The following ROBO2 variants were observed in gnomAD, a reference collection of about 807,000 sequenced individuals.
The protein encoded by ROBO2 is roundabout homolog 2.
A neutral mutation model predicts 160.8 loss-of-function variants in ROBO2; 53 were observed. That is an observed-to-expected ratio of 0.33 (90% CI 0.26 to 0.41). The LOEUF (loss-of-function observed/expected upper bound fraction) is 0.41. Among genes scored for constraint, ROBO2 ranks in the 10% least tolerant of loss-of-function variants. The pLI, the probability that ROBO2 is intolerant of heterozygous loss-of-function variation, is 1.00. For missense variants in ROBO2, 1,577 were observed against 1,722.4 expected, an observed-to-expected ratio of 0.92 and a Z score of 1.49; for synonymous variants, 664 against 611.7, an observed-to-expected ratio of 1.09 and a Z score of -1.26.
At chr3:76,179,141 G>T (rs1701376094) in intron 2 of ROBO2, among the ~76,000 whole-genome samples, 1 of 151,954 alleles carries the variant, frequency 6.6e-6, no homozygotes, top group African/African-American at 2.4e-5. Flanking sequence ...ATATTAATTT[G>T]TCTCATTAAT....
At chr3:76,309,519 A>G (rs1332485593) in intron 2 of ROBO2, among the ~76,000 whole-genome samples, 1 of 152,190 alleles carries the variant, frequency 6.6e-6, no homozygotes. Context: ...TTCAAATTTA[A>G]TATGTGGCTT....
intron 2 of ROBO2, among the ~76,000 whole-genome samples, chr3:76,446,256 A>G (rs1037632806): frequency 6.6e-6 from 1 of 152,166 alleles, no homozygotes; most frequent in Non-Finnish European, 1.5e-5. Flanking sequence ...AGAGACAAAC[A>G]GAGAGCCAAA....
intron 2 of ROBO2, among the ~76,000 whole-genome samples, chr3:77,158,950 G>A (rs997477850): frequency 2.0e-5 from 3 of 152,042 alleles, no homozygotes; most frequent in African/African-American, 7.2e-5. Context: ...AAGACATGAA[G>A]CTCTTTAAGG....
intron 2 of ROBO2, among the ~76,000 whole-genome samples, chr3:76,393,165 A>T (rs938720306): frequency 3.3e-5 from 5 of 152,174 alleles, no homozygotes; most frequent in Non-Finnish European, 5.9e-5. Flanking sequence ...CTTGTTAAAA[A>T]TACAGATGTC....
At chr3:77,456,050 T>C (rs918333074) in intron 2 of ROBO2, among the ~76,000 whole-genome samples, 2 of 152,194 alleles carry the variant, frequency 1.3e-5, no homozygotes, top group Non-Finnish European at 2.9e-5. Context: ...TCAGAAAGTA[T>C]TGTCAGTGCT....
At chr3:77,418,148 C>T (rs1250570347) in intron 2 of ROBO2, among the ~76,000 whole-genome samples, 2 of 138,442 alleles carry the variant, frequency 1.4e-5, no homozygotes, top group Non-Finnish European at 3.3e-5. Context: ...ATTTTTTTTA[C>T]CTACAGAAAA....
intron 20 of ROBO2, among the ~76,000 whole-genome samples, chr3:77,604,574 A>T (rs1478325983): frequency 6.6e-6 from 1 of 152,148 alleles, no homozygotes; most frequent in Non-Finnish European, 1.5e-5. Context: ...TATATCTATG[A>T]ATTATATTAA....
chr3:76,096,627 A>G (rs1433854898), intron 2 of ROBO2, among the ~76,000 whole-genome samples: 2 of 152,212 alleles, frequency 1.3e-5, no homozygotes, highest in Non-Finnish European at 2.9e-5. Context: ...AATACAAATA[A>G]TAACATTAAG....
rs370611194 is a variant in ROBO2 at position 77,295,851 on chromosome 3, G to T, written c.389-181563G>T. On this transcript the variant is annotated intron_variant, in intron 2 of 25. Coordinates refer to ENST00000461745, the Ensembl canonical transcript of ROBO2. ...GTAAAATTGACGGGTAAACGGGTAA[G>T]CTGAGGCTAGATCACCCCAGACACA... Among the ~76,000 whole-genome samples, 182 of 149,928 alleles carry T rather than the reference G, an allele frequency of 1.2e-3. 4 individuals carry two copies. In the East Asian group the frequency reaches 0.027, roughly 23 times the overall value.
intron 21 of ROBO2, among the ~76,000 whole-genome samples, chr3:77,613,609 G>A (rs2094699998): frequency 6.6e-6 from 1 of 151,868 alleles, no homozygotes; most frequent in African/African-American, 2.4e-5. Flanking sequence ...AAATAAATTA[G>A]GAAAAAAGAA....
chr3:76,892,550 C>G (rs1458154747), intron 2 of ROBO2, among the ~76,000 whole-genome samples: 1 of 152,158 alleles, frequency 6.6e-6, no homozygotes, highest in East Asian at 1.9e-4. Context: ...TGTCTTTTTA[C>G]CTGACTGATT....
At chr3:76,417,962 T>G (rs2075821446) in intron 2 of ROBO2, among the ~76,000 whole-genome samples, 1 of 151,928 alleles carries the variant, frequency 6.6e-6, no homozygotes, top group Non-Finnish European at 1.5e-5. Context: ...CCACAATAAC[T>G]TTTGCACCAA....
intron 2 of ROBO2, among the ~76,000 whole-genome samples, chr3:75,986,350 AT>A (rs1368585875): frequency 6.6e-5 from 10 of 151,630 alleles, no homozygotes; most frequent in Non-Finnish European, 1.2e-4. Flanking sequence ...CTTTGGAGAA[AT>A]GTCTTTGGAG....
chr3:77,598,483 G>A (rs1282068230), intron 19 of ROBO2, among the ~76,000 whole-genome samples: 1 of 133,120 alleles, frequency 7.5e-6, no homozygotes, highest in Non-Finnish European at 1.5e-5. Flanking sequence ...TATTTATATA[G>A]TGTGTATATA....
At position 76,856,681 on chromosome 3, in the gene ROBO2, C is replaced by T. The variant is rs1026189511; in HGVS notation, c.110-241333C>T. Among the ~76,000 whole-genome samples the T allele has an allele frequency of 3.3e-5, 5 of 152,170 alleles. No homozygotes were observed. In the South Asian group the frequency reaches 1.0e-3, roughly 32 times the overall value. ...GGGGCCCAATAATTTTCATTCCCAA[C>T]AAGTTCTCAGGTAATGATGATGGTG... is the stretch of plus-strand genomic sequence containing the variant. On this transcript the variant is annotated intron_variant, in intron 2 of 26. Transcript: ENST00000487694.
intron 2 of ROBO2, among the ~76,000 whole-genome samples, chr3:76,735,805 AAAG>A (rs200579323): frequency 0.17 from 24,454 of 147,560 alleles, 2,480 homozygotes; most frequent in Non-Finnish European, 0.22. Context: ...GGAAAAGAAA[AAAG>A]AAAAACTCCC....
rs569627869 is a variant in ROBO2 at position 77,113,858 on chromosome 3, C to T, written c.388+15518C>T. ...ATTAAATCAGAAAATAATAAGGCAA[C>T]CTTTAGATGAATCAGGTCATGATAG... is the stretch of plus-strand genomic sequence containing the variant. On this transcript the variant is annotated intron_variant, in intron 2 of 25. Coordinates refer to ENST00000461745, the Ensembl canonical transcript of ROBO2. Among the ~76,000 whole-genome samples the T allele has an allele frequency of 2.0e-5, 3 of 152,226 alleles. No individual in the cohort carries two copies. The South Asian group carries it at 6.2e-4, about 32-fold the overall frequency.
intron 2 of ROBO2, among the ~76,000 whole-genome samples, chr3:76,928,153 T>C (rs138617018): frequency 3.3e-3 from 498 of 152,078 alleles, no homozygotes; most frequent in Middle Eastern, 6.8e-3. Context: ...GAAAGGGAGA[T>C]GACAATGGAA....
intron 1 of ROBO2, among the ~76,000 whole-genome samples, chr3:77,069,072 T>A (rs911552698): frequency 6.6e-6 from 1 of 152,188 alleles, no homozygotes; most frequent in Admixed American, 6.5e-5. Flanking sequence ...ATTGAGTAGC[T>A]GTGGCAGACG....
Sources: gnomAD v4.1 joint callset for allele counts (sites outside exome capture counted in the v4.1 genomes callset) on GRCh38, gnomAD v4.1.1 for gene constraint, MANE v1.5 for transcripts, NCBI Gene and HGNC (gene_info 2026-07-23, HGNC 2026-07-21) for gene names.